Variants in XIRP2 observed in about 807,000 individuals in gnomAD.
The protein encoded by XIRP2 is xin actin binding repeat containing 2.
Under a neutral mutation model 277.0 loss-of-function variants are expected in XIRP2, and 236 were observed. The ratio of observed to expected loss-of-function variants is 0.85; its 90% confidence interval spans 0.77 to 0.95. The LOEUF (loss-of-function observed/expected upper bound fraction) is 0.95. Ranked by LOEUF, XIRP2 falls within the 40% of genes least tolerant of loss-of-function variation. The probability of loss-of-function intolerance (pLI) is 0.00; values close to 1 mark genes in which losing one functional copy is unlikely to be tolerated. For missense variants in XIRP2, 4,640 were observed against 4,157.5 expected (o/e 1.12, Z -3.19); for synonymous variants, 1,490 against 1,416.5 (o/e 1.05, Z -1.17).
At chr2:167,121,216 TAGAC>T (rs1372667307) in intron 2 of XIRP2, among the ~76,000 whole-genome samples, 1 of 152,194 alleles carries the variant, frequency 6.6e-6, no homozygotes, top group Non-Finnish European at 1.5e-5. Context: ...GCTCCTGAAA[TAGAC>T]AGAAGCCATT....
chr2:167,075,245 A>G (rs1490938629), intron 2 of XIRP2, among the ~76,000 whole-genome samples: 2 of 152,190 alleles, frequency 1.3e-5, no homozygotes, highest in East Asian at 1.9e-4. Context: ...GGGAAAAAGC[A>G]TGACACGGAG....
chr2:167,217,242 C>A (rs1187960312), intron 4 of XIRP2, among the ~76,000 whole-genome samples: 14 of 149,684 alleles, frequency 9.4e-5, no homozygotes, highest in African/African-American at 3.5e-4. Flanking sequence ...ATGTAACTAA[C>A]CTGCGCAATG....
rs779840446 is a variant in XIRP2 at position 167,258,740 on chromosome 2, G to C, written c.*923G>C. Reference sequence around the variant, plus strand: ...GAAGACATCTATTTTAGAATTTCTTGATCTATTACCCTTGTCGAGTGAAGC... The same window carrying C: ...GAAGACATCTATTTTAGAATTTCTTCATCTATTACCCTTGTCGAGTGAAGC... On this transcript the variant is annotated 3_prime_UTR_variant, in exon 11 of 11. Transcript: ENST00000409195. 14 of 1,613,274 alleles carry C rather than the reference G, an allele frequency of 8.7e-6. No homozygotes were observed. The highest frequency in any genetic ancestry group is 3.3e-4 in the Middle Eastern group (2 of 6,056).
chr2:167,180,275 A>G lies in XIRP2; in HGVS notation c.563-30460A>G, dbSNP rs12620446. Among the ~76,000 whole-genome samples the G allele has an allele frequency of 2.3e-3, 344 of 152,154 alleles. 12 individuals are homozygous for G. The East Asian group carries it at 0.056, about 25-fold the overall frequency. ...AACTTTTTCTTTCCTTTTAAATTTA[A>G]TATTTATTTCTGTGCTATTTTGCTC... is the stretch of plus-strand genomic sequence containing the variant. On this transcript the variant is annotated intron_variant, in intron 3 of 10. Coordinates refer to ENST00000409195, the MANE Select transcript of XIRP2 (RefSeq NM_152381.6).
intron 2 of XIRP2, among the ~76,000 whole-genome samples, chr2:166,942,192 C>T (rs529533172): frequency 9.2e-5 from 14 of 152,246 alleles, no homozygotes; most frequent in African/African-American, 2.4e-4. Context: ...CATGGAGGCA[C>T]GAAAACCATG....
intron 2 of XIRP2, among the ~76,000 whole-genome samples, chr2:166,929,850 A>G (rs920614045): frequency 6.6e-6 from 1 of 152,154 alleles, no homozygotes; most frequent in Non-Finnish European, 1.5e-5. Flanking sequence ...ATCTGCATTC[A>G]CGCTTTTGAC....
Position 166,977,532 on chromosome 2 carries a change from C to T in XIRP2, c.408+73642C>T, listed in dbSNP as rs113337312. Among the ~76,000 whole-genome samples, 117 of 152,238 alleles carry T rather than the reference C, an allele frequency of 7.7e-4. 2 individuals carry two copies. The highest frequency in any genetic ancestry group is 2.7e-3 in the African/African-American group (114 of 41,546). On this transcript the variant is annotated intron_variant, in intron 2 of 10. Transcript: ENST00000409195. ...TGTATTTGTATTATCATATATCTCTCCAACCCTCTATCCACCCTTCAGTTC... is the reference window on the plus strand; with the variant it reads ...TGTATTTGTATTATCATATATCTCTTCAACCCTCTATCCACCCTTCAGTTC...
chr2:167,075,893 C>G (rs1011620096), intron 2 of XIRP2, among the ~76,000 whole-genome samples: 1 of 150,572 alleles, frequency 6.6e-6, no homozygotes, highest in African/African-American at 2.4e-5. Flanking sequence ...CCAGGCTTGT[C>G]TCGAACTTCT....
intron 2 of XIRP2, among the ~76,000 whole-genome samples, chr2:166,913,961 A>G (rs183556526): frequency 1.3e-5 from 2 of 152,344 alleles, no homozygotes; most frequent in East Asian, 3.9e-4. Flanking sequence ...GAATAACAAA[A>G]GTCTCCCAAA....
chr2:167,007,679 ACTCT>A (rs145843756), intron 2 of XIRP2, among the ~76,000 whole-genome samples: 3,955 of 142,264 alleles, frequency 0.028, 158 homozygotes, highest in African/African-American at 0.094. Context: ...CCACATGTAC[ACTCT>A]CTCTCTCTCT....
intron 2 of XIRP2, among the ~76,000 whole-genome samples, chr2:166,977,899 A>AT (rs1686757716): frequency 6.6e-6 from 1 of 152,164 alleles, no homozygotes. Flanking sequence ...ACTAGCTTTA[A>AT]ACTTACATAT....
intron 2 of XIRP2, chr2:167,124,617 G>T (rs1027133148): frequency 6.6e-6 from 1 of 152,250 alleles, no homozygotes; most frequent in South Asian, 2.1e-4. Context: ...TGCAGTGGGG[G>T]AAACAAGATG....
Position 167,250,579 on chromosome 2 carries a change from A to C in XIRP2, c.9187A>C (p.Asn3063His). The change falls in exon 9 of 11, where the codon AAT (asparagine) becomes CAT (histidine). Residue 3063 changes from asparagine (N) to histidine (H), a missense_variant. Physicochemically the swap from Asn to His is moderately conservative, Grantham distance 68. Coordinates refer to ENST00000409195, the MANE Select transcript of XIRP2 (RefSeq NM_152381.6). ...CAAAGTATCTAATGTTCATGTCAGC[A>C]ATAATAAAAATAGTGAACAGAAAGA... The part of the protein sequence containing the change: ...SSKVSNVHVS[N>H]NKNSEQKENK... 1 of 1,613,556 alleles carries C rather than the reference A, an allele frequency of 6.2e-7. No individual in the cohort carries two copies. The highest frequency in any genetic ancestry group is 8.5e-7 in the Non-Finnish European group (1 of 1,179,698).
At position 167,230,356 on chromosome 2, in the gene XIRP2, C is replaced by T. The variant is rs112659003; in HGVS notation, c.859-9499C>T. Among the ~76,000 whole-genome samples the T allele has an allele frequency of 9.5e-4, 144 of 152,100 alleles. 1 individual carries two copies. Among genetic ancestry groups the T allele is most frequent in the African/African-American group, 3.3e-3 (136 of 41,520 alleles). ...ACTGTAAACAAATAACCCCCACCGTCATAGTTTCTTTTTTGTTGTTGTTTT... is the reference window on the plus strand; with the variant it reads ...ACTGTAAACAAATAACCCCCACCGTTATAGTTTCTTTTTTGTTGTTGTTTT... On this transcript the variant is annotated intron_variant, in intron 5 of 10. Coordinates refer to ENST00000409195, the MANE Select transcript of XIRP2 (RefSeq NM_152381.6).
At chr2:167,010,269 G>C (rs1195424888) in intron 2 of XIRP2, among the ~76,000 whole-genome samples, 2 of 151,884 alleles carry the variant, frequency 1.3e-5, no homozygotes, top group East Asian at 1.9e-4. Flanking sequence ...AAGGGATCCA[G>C]TTTCAGCTTT....
rs1352316546 is a variant in XIRP2 at position 167,244,257 on chromosome 2, C to A, written c.2865C>A (p.Asn955Lys). 1.2e-6 allele frequency: 2 copies of A among 1,613,638 alleles called. No individual in the cohort carries two copies. The highest frequency in any genetic ancestry group is 3.3e-5 in the Admixed American group (2 of 59,946). The stretch of plus-strand genomic sequence containing the variant: ...ATTACACACATATCTTTGAATCAAA[C>A]AATTTAATTAAATTTGATGCATCAC... The part of the protein sequence containing the change: ...VKNYTHIFES[N>K]NLIKFDASHK... The change falls in exon 9 of 11, where the codon AAC becomes AAA. Residue 955 changes from asparagine to lysine, a missense_variant. Transcript: ENST00000409195.
intron 3 of XIRP2, among the ~76,000 whole-genome samples, chr2:167,157,170 A>T (rs1159228279): frequency 6.6e-6 from 1 of 152,182 alleles, no homozygotes; most frequent in Non-Finnish European, 1.5e-5. Flanking sequence ...AGTTTATGAC[A>T]TTCAAATGAA....
At chr2:167,027,191 C>G (rs1271260295) in intron 2 of XIRP2, among the ~76,000 whole-genome samples, 1 of 152,088 alleles carries the variant, frequency 6.6e-6, no homozygotes, top group Non-Finnish European at 1.5e-5. Context: ...TTCTTGGAGG[C>G]TTTGTTCATT....
chr2:166,998,763 T>C (rs897894838), intron 2 of XIRP2, among the ~76,000 whole-genome samples: 5 of 152,218 alleles, frequency 3.3e-5, no homozygotes, highest in African/African-American at 7.2e-5. Context: ...CTTTCCACTT[T>C]AACCAATCAA....
Sources: allele counts gnomAD v4.1 joint callset (sites outside exome capture counted in the v4.1 genomes callset), GRCh38; gene constraint gnomAD v4.1.1; transcripts MANE v1.5; gene names NCBI Gene and HGNC (gene_info 2026-07-23, HGNC 2026-07-21).